WLS: variants seen among roughly 807,000 people sequenced by gnomAD.
WLS encodes the protein protein wntless homolog.
In WLS, 23 loss-of-function variants were observed where a neutral mutation model predicts 62.8. The observed-to-expected ratio is 0.37, with a 90% confidence interval of 0.26 to 0.52. WLS has a LOEUF of 0.52. WLS is among the 20% of genes least tolerant of loss of function. The pLI is 0.92. For synonymous variants in WLS, 246 were observed against 244.1 expected, an observed-to-expected ratio of 1.01 and a Z score of -0.07; for missense variants, 615 against 697.3, an observed-to-expected ratio of 0.88 and a Z score of 1.33.
intron 1 of WLS, among the ~76,000 whole-genome samples, chr1:68,231,273 G>A (rs1316202272): frequency 6.6e-6 from 1 of 152,152 alleles, no homozygotes; most frequent in African/African-American, 2.4e-5. Context: ...AGGTCCGGGA[G>A]GTGCACGCCA....
chr1:68,123,838 G>A (rs146872015), downstream of WLS, among the ~76,000 whole-genome samples: 526 of 152,204 alleles, frequency 3.5e-3, 4 homozygotes, highest in African/African-American at 0.012. Context: ...AAGGTGCATG[G>A]ATTCCTGGTG....
chr1:68,200,949 G>A (rs1319330256), intron 1 of WLS, among the ~76,000 whole-genome samples: 1 of 152,110 alleles, frequency 6.6e-6, no homozygotes, highest in Non-Finnish European at 1.5e-5. Flanking sequence ...GGGAACACAG[G>A]TGTCAGAAAA....
At chr1:68,200,950 T>C (rs1382496295) in intron 1 of WLS, among the ~76,000 whole-genome samples, 1 of 152,188 alleles carries the variant, frequency 6.6e-6, no homozygotes, top group Non-Finnish European at 1.5e-5. Flanking sequence ...GGAACACAGG[T>C]GTCAGAAAAG....
chr1:68,110,688 T>TCTCTCTCTCTCC (rs1390457595), intron 11 of WLS, among the ~76,000 whole-genome samples: 5 of 150,070 alleles, frequency 3.3e-5, no homozygotes, highest in African/African-American at 1.2e-4. Flanking sequence ...TCTCTCTCTC[T>TCTCTCTCTCTCC]CTCCATATAT....
intron 1 of WLS, among the ~76,000 whole-genome samples, chr1:68,194,428 A>C (rs1648548743): frequency 6.6e-6 from 1 of 152,162 alleles, no homozygotes; most frequent in African/African-American, 2.4e-5. Context: ...TATCTCTGAG[A>C]ACCTTCCCAT....
chr1:68,135,970 G>A (rs1489700433), intron 11 of WLS, among the ~76,000 whole-genome samples: 4 of 152,190 alleles, frequency 2.6e-5, no homozygotes, highest in Non-Finnish European at 5.9e-5. Context: ...TGGGCAGGGG[G>A]TAGGTAAGTA....
At chr1:68,226,177 T>C (rs543780363) in intron 1 of WLS, among the ~76,000 whole-genome samples, 1 of 152,304 alleles carries the variant, frequency 6.6e-6, no homozygotes, top group African/African-American at 2.4e-5. Context: ...GCTATTCTCA[T>C]GTTTCCCTGC....
intron 2 of WLS, among the ~76,000 whole-genome samples, chr1:68,186,992 A>C (rs1306393188): frequency 1.3e-5 from 2 of 151,838 alleles, no homozygotes; most frequent in African/African-American, 2.4e-5. Flanking sequence ...CGGGCGGATC[A>C]CAAGGTCAGG....
intron 1 of WLS, among the ~76,000 whole-genome samples, chr1:68,207,458 A>G (rs576739137): frequency 5.9e-5 from 9 of 152,352 alleles, no homozygotes; most frequent in Non-Finnish European, 1.0e-4. Flanking sequence ...AAATCAATTC[A>G]TAACTTTCTT....
chr1:68,128,852 A>G (rs1336711044), intron 11 of WLS, among the ~76,000 whole-genome samples: 2 of 150,306 alleles, frequency 1.3e-5, no homozygotes, highest in Non-Finnish European at 3.0e-5. Context: ...CAGAGAGGCT[A>G]AGTAACTTGC....
chr1:68,170,488 T>C (rs1266152174), intron 2 of WLS, among the ~76,000 whole-genome samples: 1 of 151,882 alleles, frequency 6.6e-6, no homozygotes, highest in African/African-American at 2.4e-5. Flanking sequence ...ATTTCAAGGC[T>C]AGTACTCAAG....
At chr1:68,161,129 A>T (rs2100503783) in intron 2 of WLS, among the ~76,000 whole-genome samples, 1 of 152,268 alleles carries the variant, frequency 6.6e-6, no homozygotes, top group East Asian at 1.9e-4. Context: ...GAAAGTTAAT[A>T]CTTTTTTTTT....
intron 1 of WLS, among the ~76,000 whole-genome samples, chr1:68,225,776 T>G (rs1650117180): frequency 1.3e-5 from 2 of 152,172 alleles, no homozygotes; most frequent in African/African-American, 2.4e-5. Context: ...ACCTACACCC[T>G]CTAAAAACCT....
intron 2 of WLS, among the ~76,000 whole-genome samples, chr1:68,189,921 A>C (rs958178119): frequency 6.6e-6 from 1 of 152,236 alleles, no homozygotes; most frequent in Non-Finnish European, 1.5e-5. Flanking sequence ...AGGCAGGAGA[A>C]TCTCTTGAAC....
chr1:68,137,900 T>C lies in WLS; in HGVS notation c.1396A>G (p.Thr466Ala). 6.2e-7 allele frequency: 1 copy of C among 1,614,002 alleles called. No individual in the cohort carries two copies. ...TEGHWKWGGV[T>A]VQVNSAFFTG... is the part of the protein sequence containing the mutation. ...AAAAAGGCACTGTTCACTTGGACTGTGACGCCGCCCCATTTCCAATGGCCT... is the reference window on the plus strand; with the variant it reads ...AAAAAGGCACTGTTCACTTGGACTGCGACGCCGCCCCATTTCCAATGGCCT... The change falls in exon 11 of 12, where the codon ACA (threonine) becomes GCA (alanine). Residue 466 changes from threonine (T) to alanine (A), a missense_variant. Coordinates refer to ENST00000262348, the MANE Select transcript of WLS (RefSeq NM_024911.7).
intron 10 of WLS, chr1:68,138,451 G>C (rs41287852): frequency 6.6e-6 from 1 of 152,348 alleles, no homozygotes; most frequent in Non-Finnish European, 1.5e-5. Flanking sequence ...TTCAGTGTCC[G>C]TAAGTGTAAC....
At chr1:68,144,677 A>C (rs761466614) in intron 9 of WLS, 25 bp from the exon 10 acceptor site, 4 of 1,568,756 alleles carry the variant, frequency 2.5e-6, no homozygotes, top group Non-Finnish European at 3.5e-6. Flanking sequence ...AGAGTAGTTT[A>C]ATACTCCATC....
intron 11 of WLS, among the ~76,000 whole-genome samples, chr1:68,105,782 A>G (rs1646135483): frequency 6.6e-6 from 1 of 152,282 alleles, no homozygotes; most frequent in East Asian, 1.9e-4. Flanking sequence ...GGGTGGAAAG[A>G]CAGGACTGGG....
intron 1 of WLS, chr1:68,228,213 A>G (rs1650246827): frequency 4.6e-6 from 2 of 433,246 alleles, no homozygotes; most frequent in South Asian, 3.4e-5. Context: ...TGATTTGTTG[A>G]TACTTACAGT....
Sources: gnomAD v4.1 joint callset for allele counts (sites outside exome capture counted in the v4.1 genomes callset) on GRCh38, gnomAD v4.1.1 for gene constraint, MANE v1.5 for transcripts, NCBI Gene and HGNC (gene_info 2026-07-23, HGNC 2026-07-21) for gene names.